Variants in BMP2K observed in about 807,000 individuals in gnomAD.
BMP2K encodes BMP2 inducible kinase, also known as BMP-2-inducible protein kinase.
Under a neutral mutation model 116.0 loss-of-function variants are expected in BMP2K, and 74 were observed. The observed-to-expected ratio is 0.64, with a 90% CI of 0.53 to 0.77. The LOEUF (loss-of-function observed/expected upper bound fraction) is 0.77. Among genes scored for constraint, BMP2K ranks in the 30% least tolerant of loss-of-function variants. BMP2K has a pLI of 0.00. For missense variants in BMP2K, 1,365 were observed against 1,403.6 expected (o/e 0.97, Z 0.44); for synonymous variants, 486 against 502.5 (o/e 0.97, Z 0.44).
chr4:78,831,929 G>A (rs1481934164), intron 2 of BMP2K, among the ~76,000 whole-genome samples: 1 of 151,894 alleles, frequency 6.6e-6, no homozygotes, highest in African/African-American at 2.4e-5. Context: ...TTTTTTGAGT[G>A]CTTACACACA....
chr4:78,808,774 C>CT (rs1024773876), intron 1 of BMP2K, among the ~76,000 whole-genome samples: 19 of 151,938 alleles, frequency 1.3e-4, no homozygotes, highest in Middle Eastern at 3.4e-3. Flanking sequence ...TCTCAAATTT[C>CT]TTTTTTTTAT....
In BMP2K at chr4:78,911,929, T is replaced by C. The variant is rs1734645264; in HGVS notation, c.3382T>C (p.Phe1128Leu). The C allele has an allele frequency of 6.2e-7, 1 of 1,614,006 alleles. No homozygotes were observed. The highest frequency in any genetic ancestry group is 1.3e-5 in the African/African-American group (1 of 75,060). ...LKMDDFGAVP[F>L]TELVVQSITP... ...AATGGATGATTTTGGTGCCGTGCCC[T>C]TTACAGAACTTGTGGTGCAAAGCAT... Residue 1128 changes from phenylalanine (F) to leucine (L), a missense_variant, in exon 16 of 16, where the codon TTT becomes CTT. By Grantham distance (22) the Phe-to-Leu change is conservative (BLOSUM62 0). Transcript: ENST00000502613.
chr4:78,780,954 AAGTT>A (rs1233967144), intron 1 of BMP2K, among the ~76,000 whole-genome samples: 7 of 152,206 alleles, frequency 4.6e-5, no homozygotes, highest in African/African-American at 7.2e-5. Context: ...AGGATGAAGA[AAGTT>A]AGGTAAAAAC....
chr4:78,817,603 T>G (rs1729413955), intron 1 of BMP2K, among the ~76,000 whole-genome samples: 1 of 152,150 alleles, frequency 6.6e-6, no homozygotes, highest in Non-Finnish European at 1.5e-5. Context: ...ACCAGGAAAC[T>G]CTGAACCTTG....
At chr4:78,819,275 A>T (rs774894295) in intron 1 of BMP2K, among the ~76,000 whole-genome samples, 7 of 152,110 alleles carry the variant, frequency 4.6e-5, no homozygotes, top group Non-Finnish European at 7.4e-5. Context: ...TGTTGGTATT[A>T]CAGGTGTGAT....
At chr4:78,848,966 A>C (rs995625372) in intron 6 of BMP2K, among the ~76,000 whole-genome samples, 3 of 151,462 alleles carry the variant, frequency 2.0e-5, no homozygotes, top group Non-Finnish European at 3.0e-5. Context: ...TATCCAGAAA[A>C]AAATACTAAA....
intron 3 of BMP2K, among the ~76,000 whole-genome samples, chr4:78,836,476 T>C (rs1175612155): frequency 1.3e-5 from 2 of 152,204 alleles, no homozygotes; most frequent in Non-Finnish European, 2.9e-5. Context: ...AATATTTGTT[T>C]TGATTTCATT....
chr4:78,860,761 G>C (rs1351083150), intron 8 of BMP2K, among the ~76,000 whole-genome samples: 1 of 142,740 alleles, frequency 7.0e-6, no homozygotes, highest in Non-Finnish European at 1.5e-5. Context: ...AAGGAATGTG[G>C]TACCTTTCCT....
At chr4:78,780,482 A>G (rs1198908054) in intron 1 of BMP2K, among the ~76,000 whole-genome samples, 4 of 152,218 alleles carry the variant, frequency 2.6e-5, no homozygotes, top group African/African-American at 9.7e-5. Flanking sequence ...TTAATTTTTC[A>G]GGAAGGTTGT....
At chr4:78,787,399 G>T (rs1294388861) in intron 1 of BMP2K, among the ~76,000 whole-genome samples, 1 of 152,134 alleles carries the variant, frequency 6.6e-6, no homozygotes, top group Admixed American at 6.5e-5. Context: ...GTACATCTTT[G>T]TTTTGTGGGT....
chr4:78,836,285 T>C (rs2075951838), intron 3 of BMP2K, among the ~76,000 whole-genome samples: 1 of 151,646 alleles, frequency 6.6e-6, no homozygotes, highest in Non-Finnish European at 1.5e-5. Context: ...GGCGTAGTGG[T>C]GGACGCCTGT....
chr4:78,779,912 A>G (rs1160647719), intron 1 of BMP2K, among the ~76,000 whole-genome samples: 2 of 152,166 alleles, frequency 1.3e-5, no homozygotes, highest in Non-Finnish European at 2.9e-5. Flanking sequence ...GAGGCAGTTC[A>G]TGTTTTTTTT....
intron 14 of BMP2K, among the ~76,000 whole-genome samples, chr4:78,881,578 CTG>C (rs1732885999): frequency 6.6e-6 from 1 of 152,044 alleles, no homozygotes; most frequent in African/African-American, 2.4e-5. Context: ...TTTAACTTAA[CTG>C]TAATATTTAG....
chr4:78,859,635 C>T lies in BMP2K; in HGVS notation c.935C>T (p.Ser312Leu), dbSNP rs772067935. The stretch of plus-strand genomic sequence containing the variant: ...CATAGACCTGATATATTTCAAGTGT[C>T]ATATTTTGCATTTAAATTTGCCAAA... Reference protein sequence around the residue: ...PEHRPDIFQVSYFAFKFAKKD... With the variant: ...PEHRPDIFQVLYFAFKFAKKD... The change falls in exon 8 of 16, where the codon TCA becomes TTA. Residue 312 changes from serine (S) to leucine (L), a missense_variant. Ser to Leu is a moderately radical substitution (Grantham distance 145). Transcript: ENST00000502613. 6.8e-6 allele frequency: 11 copies of T among 1,610,920 alleles called. No homozygotes were observed. In the South Asian group the frequency reaches 1.1e-4, roughly 16 times the overall value.
At chr4:78,828,768 A>C (rs1730006535) in intron 2 of BMP2K, among the ~76,000 whole-genome samples, 2 of 152,236 alleles carry the variant, frequency 1.3e-5, no homozygotes, top group Non-Finnish European at 2.9e-5. Context: ...ATATACTTTC[A>C]TTTAAAAATA....
chr4:78,785,966 C>T (rs943586604), intron 1 of BMP2K, among the ~76,000 whole-genome samples: 1 of 152,140 alleles, frequency 6.6e-6, no homozygotes, highest in Non-Finnish European at 1.5e-5. Context: ...ATTCAGGACC[C>T]CCTGACCTGA....
intron 3 of BMP2K, among the ~76,000 whole-genome samples, chr4:78,838,101 C>A (rs1475217407): frequency 2.6e-5 from 4 of 152,158 alleles, no homozygotes; most frequent in African/African-American, 9.7e-5. Context: ...TGGTGGAAGG[C>A]AAGGAGGAGC....
chr4:78,909,965 C>T (rs1420098838), intron 15 of BMP2K, among the ~76,000 whole-genome samples: 2 of 152,106 alleles, frequency 1.3e-5, no homozygotes, highest in African/African-American at 4.8e-5. Context: ...AAAGGAATCT[C>T]GCTTTTTTAA....
chr4:78,910,836 A>G lies in BMP2K; in HGVS notation c.2289A>G (p.Glu763=). The stretch of plus-strand genomic sequence containing the variant: ...AAGAGGAAGAGCAAGATGATGAAGA[A>G]GTTCTTCAGGGGGAACAAGGAGATT... The part of the protein sequence containing the change: ...SSEEEEQDDE[E]VLQGEQGDFN... The change falls in exon 16 of 16, where the codon GAA becomes GAG. Residue 763 remains glutamate (E), a synonymous_variant. Transcript: ENST00000502613. 5.6e-6 allele frequency: 9 copies of G among 1,613,970 alleles called. No individual in the cohort carries two copies. The highest frequency in any genetic ancestry group is 7.6e-6 in the Non-Finnish European group (9 of 1,179,858).
Sources: allele counts gnomAD v4.1 joint callset (sites outside exome capture counted in the v4.1 genomes callset), GRCh38; gene constraint gnomAD v4.1.1; transcripts MANE v1.5; gene names NCBI Gene and HGNC (gene_info 2026-07-23, HGNC 2026-07-21).